Variants in SYN2 observed in about 807,000 individuals in gnomAD.
SYN2 encodes synapsin II.
SYN2 carries 19 observed loss-of-function variants against 50.9 expected under a neutral mutation model. The observed-to-expected ratio is 0.37, with a 90% CI of 0.26 to 0.55. SYN2 has a LOEUF of 0.55. SYN2 is among the 20% of genes least tolerant of loss of function. The pLI is 0.81. For synonymous variants in SYN2, 255 were observed against 224.9 expected, an observed-to-expected ratio of 1.13 and a Z score of -1.20; for missense variants, 587 against 576.4, an observed-to-expected ratio of 1.02 and a Z score of -0.19.
chr3:12,183,746 G>C, intron 11 of SYN2: 1 of 1,158,928 alleles, frequency 8.6e-7, no homozygotes, highest in Non-Finnish European at 1.1e-6. Flanking sequence ...TGGGTGGTTT[G>C]ATAGTGTTTT....
chr3:12,180,358 T>A (rs1698195080), intron 10 of SYN2, among the ~76,000 whole-genome samples: 3 of 152,188 alleles, frequency 2.0e-5, no homozygotes, highest in Non-Finnish European at 2.9e-5. Context: ...CAATCCAACT[T>A]CCTGAGGAAA....
At position 12,158,776 on chromosome 3, in the gene SYN2, C is replaced by T. The variant is rs771705387; in HGVS notation, c.775-2770C>T. ...GCATGCCTCACCCAGCCCCGGGGGC[C>T]GCAGCAACGCCAGCAGCCGCAGCAA... is the stretch of plus-strand genomic sequence containing the variant. On this transcript the variant is annotated intron_variant, in intron 5 of 12. Coordinates refer to ENST00000621198, the MANE Select transcript of SYN2 (RefSeq NM_133625.6). The T allele has an allele frequency of 3.8e-5, 61 of 1,604,824 alleles. No individual in the cohort carries two copies. The highest frequency in any genetic ancestry group is 3.6e-4 in the East Asian group (16 of 44,792).
At chr3:12,183,228 GC>G (rs1698262162) in intron 10 of SYN2, 83 bp from the exon 11 acceptor site, 1 of 1,513,144 alleles carries the variant, frequency 6.6e-7, no homozygotes, top group East Asian at 2.4e-5. Context: ...TTCCACTGCG[GC>G]CTTGCCATGG....
chr3:12,055,303 G>C (rs1464034651), intron 1 of SYN2, among the ~76,000 whole-genome samples: 1 of 152,028 alleles, frequency 6.6e-6, no homozygotes, highest in Non-Finnish European at 1.5e-5. Context: ...AAAATACCTA[G>C]AAGGTAATGA....
intron 1 of SYN2, among the ~76,000 whole-genome samples, chr3:12,109,515 C>T (rs1696270039): frequency 6.6e-6 from 1 of 152,154 alleles, no homozygotes; most frequent in African/African-American, 2.4e-5. Flanking sequence ...ACCAGTAAAA[C>T]ATATTTTTGC....
intron 8 of SYN2, among the ~76,000 whole-genome samples, chr3:12,168,095 T>C (rs537887968): frequency 1.3e-5 from 2 of 152,212 alleles, no homozygotes; most frequent in South Asian, 4.1e-4. Flanking sequence ...GTACATACCA[T>C]AGAAGCTCCA....
Position 12,161,564 on chromosome 3 carries a change from C to T in SYN2, c.793C>T (p.Pro265Ser). ...ATTTCAGCTGACACTGCCCACGTTC[C>T]CTGTGGTGGTGAAGATTGGCCACGC... ...HKEMLTLPTF[P>S]VVVKIGHAHS... Residue 265 changes from proline to serine, a missense_variant, in exon 6 of 13, where the codon CCT (proline) becomes TCT (serine). Coordinates refer to ENST00000621198, the MANE Select transcript of SYN2 (RefSeq NM_133625.6). 6.2e-7 allele frequency: 1 copy of T among 1,613,996 alleles called. No individual in the cohort carries two copies.
intron 1 of SYN2, among the ~76,000 whole-genome samples, chr3:12,019,661 T>TG: frequency 6.6e-6 from 1 of 152,284 alleles, no homozygotes. Context: ...TGGAAGGAAA[T>TG]TGTAGTATTT....
In SYN2 at chr3:12,053,053, A is replaced by G. The variant is rs1429997067; in HGVS notation, c.377+48125A>G. On this transcript the variant is annotated intron_variant, in intron 1 of 12. Transcript: ENST00000621198. ...GGTAGATATTATTCCCATTTGATAA[A>G]TGAAGAAACTGAAACAAAGGTAAAT... 2.0e-5 allele frequency among the ~76,000 whole-genome samples: 3 copies of G among 152,326 alleles called. No homozygotes were observed. In the East Asian group the frequency reaches 5.8e-4, roughly 29 times the overall value.
chr3:12,187,661 G>A (rs1312083076), intron 12 of SYN2, 49 bp downstream of exon 12: 2 of 1,492,968 alleles, frequency 1.3e-6, no homozygotes, highest in South Asian at 1.3e-5. Context: ...TACCCTTCCT[G>A]TGGGCCTTGG....
intron 5 of SYN2, among the ~76,000 whole-genome samples, chr3:12,156,034 CTT>C (rs1387193689): frequency 6.6e-6 from 1 of 152,210 alleles, no homozygotes; most frequent in Non-Finnish European, 1.5e-5. Context: ...ACAGTGAACT[CTT>C]TTAAGGACTG....
At chr3:12,036,789 T>G (rs1405359643) in intron 1 of SYN2, among the ~76,000 whole-genome samples, 2 of 152,262 alleles carry the variant, frequency 1.3e-5, no homozygotes, top group Non-Finnish European at 2.9e-5. Flanking sequence ...ATACACTTTT[T>G]TATTCTTTGC....
intron 5 of SYN2, chr3:12,154,297 T>C: frequency 1.2e-6 from 2 of 1,614,024 alleles, no homozygotes; most frequent in South Asian, 2.2e-5. Flanking sequence ...CCCCCATCCC[T>C]AAAGACTTTG....
chr3:12,168,796 A>G (rs543505089), intron 9 of SYN2, among the ~76,000 whole-genome samples: 1 of 152,288 alleles, frequency 6.6e-6, no homozygotes, highest in African/African-American at 2.4e-5. Context: ...TAACACCATG[A>G]GCATGTGCCC....
At chr3:12,107,780 A>G (rs148796792) in intron 1 of SYN2, among the ~76,000 whole-genome samples, 1,830 of 152,270 alleles carry the variant, frequency 0.012, 29 homozygotes, top group Non-Finnish European at 0.018. Context: ...TGACTTACTC[A>G]TCATCTCTGA....
chr3:12,009,385 T>C (rs1693870815), intron 1 of SYN2, among the ~76,000 whole-genome samples: 1 of 152,178 alleles, frequency 6.6e-6, no homozygotes, highest in Non-Finnish European at 1.5e-5. Context: ...TACTATTTTC[T>C]ACCTTTAACT....
At chr3:12,019,413 G>A (rs1290260272) in intron 1 of SYN2, among the ~76,000 whole-genome samples, 1 of 152,042 alleles carries the variant, frequency 6.6e-6, no homozygotes, top group Non-Finnish European at 1.5e-5. Flanking sequence ...AAGGAGCTGG[G>A]AAACAGAAAA....
chr3:12,156,816 T>G (rs760496338), intron 5 of SYN2: 3 of 1,612,590 alleles, frequency 1.9e-6, no homozygotes, highest in Non-Finnish European at 2.5e-6. Flanking sequence ...GTCTTTTAAC[T>G]TACCAGTCAA....
chr3:12,086,757 T>C (rs1317331476), intron 1 of SYN2, among the ~76,000 whole-genome samples: 1 of 152,156 alleles, frequency 6.6e-6, no homozygotes, highest in East Asian at 1.9e-4. Context: ...ACAGCTGACA[T>C]ACTAAATGGT....
Sources: gnomAD v4.1 joint callset for allele counts (sites outside exome capture counted in the v4.1 genomes callset) on GRCh38, gnomAD v4.1.1 for gene constraint, MANE v1.5 for transcripts, NCBI Gene and HGNC (gene_info 2026-07-23, HGNC 2026-07-21) for gene names.